CFAP52: variants seen among roughly 807,000 people sequenced by gnomAD.
The protein encoded by CFAP52 is cilia- and flagella-associated protein 52.
CFAP52 carries 57 observed loss-of-function variants against 70.5 expected under a neutral mutation model. The observed-to-expected ratio is 0.81, with a 90% CI of 0.65 to 1.01. The LOEUF is 1.01. CFAP52 is among the 50% of genes least tolerant of loss of function. The pLI, the probability that CFAP52 is intolerant of heterozygous loss-of-function variation, is 0.00. For missense variants in CFAP52, 785 were observed against 788.5 expected (o/e 1.00, Z 0.05); for synonymous variants, 267 against 292.5 (o/e 0.91, Z 0.89).
chr17:9,594,200 G>C lies in CFAP52; in HGVS notation c.415G>C (p.Val139Leu). The C allele has an allele frequency of 1.9e-6, 3 of 1,608,790 alleles. No individual in the cohort carries two copies. The highest frequency in any genetic ancestry group is 1.1e-5 in the South Asian group (1 of 90,280). ...TCCCTCTTATTTTGGCAGTGTGGTG[G>C]TGTGGAGCATAGCCAAGAGAGATGC... ...LGGPDDGSVV[V>L]WSIAKRDAIC... is the part of the protein sequence containing the mutation. The change falls in exon 4 of 14, where the codon GTG becomes CTG. Residue 139 changes from valine (V) to leucine (L), a missense_variant. Physicochemically the swap from Val to Leu is conservative, Grantham distance 32. Transcript: ENST00000352665.
chr17:9,583,715 T>C (rs1908324713), intron 1 of CFAP52, among the ~76,000 whole-genome samples: 1 of 152,224 alleles, frequency 6.6e-6, no homozygotes, highest in South Asian at 2.1e-4. Flanking sequence ...CATGCAAGTT[T>C]GTATTGTAAA....
At position 9,631,260 on chromosome 17, in the gene CFAP52, CT is replaced by C. The variant is rs1205882699; in HGVS notation, c.1175-1626del. 6.6e-5 allele frequency among the ~76,000 whole-genome samples: 10 copies of C among 152,016 alleles called. No homozygotes were observed. The East Asian group carries it at 1.8e-3, about 27-fold the overall frequency. On this transcript the variant is annotated intron_variant, in intron 9 of 13. Transcript: ENST00000352665. The stretch of plus-strand genomic sequence containing the variant: ...GAGCTCTTCCTCTTACTACTCACCC[CT>C]TCTAGCCATACTTTCTTCTTGCTGT...
At chr17:9,616,109 T>C (rs915991781) in intron 8 of CFAP52, among the ~76,000 whole-genome samples, 10 of 150,392 alleles carry the variant, frequency 6.6e-5, no homozygotes, top group Non-Finnish European at 1.2e-4. Flanking sequence ...CACTAGGGAG[T>C]GCCAGACAGT....
chr17:9,596,061 A>ATGTATG (rs71135995), intron 4 of CFAP52, among the ~76,000 whole-genome samples: 1 of 50,780 alleles, frequency 2.0e-5, no homozygotes, highest in Admixed American at 2.2e-4. Context: ...ATGTGTGTGT[A>ATGTATG]TATATATATA....
At chr17:9,641,229 TG>T (rs1233344953) in intron 12 of CFAP52, among the ~76,000 whole-genome samples, 1 of 152,144 alleles carries the variant, frequency 6.6e-6, no homozygotes, top group Non-Finnish European at 1.5e-5. Context: ...TTCAGTGCTT[TG>T]GAGCAGAAGG....
intron 11 of CFAP52, among the ~76,000 whole-genome samples, chr17:9,638,325 G>T (rs1185876002): frequency 6.6e-6 from 1 of 152,106 alleles, no homozygotes; most frequent in Non-Finnish European, 1.5e-5. Flanking sequence ...TGGAACTTAA[G>T]GGTTCTCATT....
In CFAP52 at chr17:9,579,401, A is replaced by G. The variant is rs1908113489; in HGVS notation, c.70+2636A>G. ...GCAAATAGCTTGGGGTGGCTTCAGT[A>G]TCAGGGACTGGCAGGATAACACAGG... On this transcript the variant is annotated intron_variant, in intron 1 of 13. Coordinates refer to ENST00000352665, the MANE Select transcript of CFAP52 (RefSeq NM_145054.5). Among the ~76,000 whole-genome samples, 3 of 152,154 alleles carry G rather than the reference A, an allele frequency of 2.0e-5. No individual in the cohort carries two copies. The South Asian group carries it at 6.2e-4, about 31-fold the overall frequency.
intron 3 of CFAP52, among the ~76,000 whole-genome samples, chr17:9,592,631 T>A (rs368527273): frequency 1.3e-5 from 2 of 152,236 alleles, no homozygotes; most frequent in South Asian, 2.1e-4. Context: ...TGGTCTTTTG[T>A]GACTGGCTTC....
chr17:9,631,243 C>T, intron 9 of CFAP52, among the ~76,000 whole-genome samples: 1 of 151,870 alleles, frequency 6.6e-6, no homozygotes, highest in Non-Finnish European at 1.5e-5. Flanking sequence ...TGGAGCTCTT[C>T]CTCTTACTAC....
At chr17:9,633,167 T>G in intron 10 of CFAP52, 134 bp downstream of exon 10, 3 of 1,039,804 alleles carry the variant, frequency 2.9e-6, no homozygotes, top group Non-Finnish European at 4.0e-6. Context: ...TTTGATGAGA[T>G]CTGAAAATAT....
intron 1 of CFAP52, among the ~76,000 whole-genome samples, chr17:9,583,619 T>C (rs950719333): frequency 6.6e-6 from 1 of 152,158 alleles, no homozygotes; most frequent in Non-Finnish European, 1.5e-5. Context: ...TATATTATTA[T>C]AAAAATCATT....
downstream of CFAP52, chr17:9,645,165 C>T (rs1208639433): frequency 6.5e-6 from 1 of 153,106 alleles, no homozygotes; most frequent in Non-Finnish European, 1.5e-5. This position sits in a 1 kb window ranked among gnomAD's most constrained non-coding sequence, Gnocchi z 6.8. Context: ...GCGCGCCTCT[C>T]ACCACGCCCG....
intron 1 of CFAP52, among the ~76,000 whole-genome samples, chr17:9,578,430 A>G (rs12453336): frequency 0.67 from 102,343 of 152,118 alleles, 37,592 homozygotes; most frequent in East Asian, 0.99. Flanking sequence ...CGGGTTGAAC[A>G]GGGCTTCAGT....
intron 8 of CFAP52, among the ~76,000 whole-genome samples, chr17:9,626,463 C>T (rs1235121346): frequency 6.6e-6 from 1 of 152,194 alleles, no homozygotes; most frequent in African/African-American, 2.4e-5. Flanking sequence ...CTCCTGACCT[C>T]AGGTGATCCA....
intron 1 of CFAP52, among the ~76,000 whole-genome samples, chr17:9,579,199 T>C (rs1396217881): frequency 6.6e-6 from 1 of 152,102 alleles, no homozygotes; most frequent in Non-Finnish European, 1.5e-5. Context: ...TAAAAAACTA[T>C]ACTAGCTCTA....
intron 4 of CFAP52, among the ~76,000 whole-genome samples, chr17:9,595,229 T>C (rs1234645332): frequency 6.6e-6 from 1 of 151,936 alleles, no homozygotes; most frequent in African/African-American, 2.4e-5. Flanking sequence ...AAATACAGAG[T>C]TGAAGTATGT....
chr17:9,643,928 T>A (rs1053752007), downstream of CFAP52, among the ~76,000 whole-genome samples: 1 of 152,230 alleles, frequency 6.6e-6, no homozygotes, highest in African/African-American at 2.4e-5. Context: ...CCTTGTGTAT[T>A]AATCACCCAG....
chr17:9,581,748 T>C (rs542661160), intron 1 of CFAP52, among the ~76,000 whole-genome samples: 1 of 152,342 alleles, frequency 6.6e-6, no homozygotes, highest in Non-Finnish European at 1.5e-5. Flanking sequence ...TCTATTGCTT[T>C]AGTGAGAGCC....
chr17:9,585,650 T>C, intron 1 of CFAP52, 123 bp from the exon 2 acceptor site: 2 of 995,128 alleles, frequency 2.0e-6, no homozygotes, highest in South Asian at 1.5e-5. Flanking sequence ...CCAGGCTGGG[T>C]GACAAGTGCA....
Sources: gnomAD v4.1 joint callset for allele counts (sites outside exome capture counted in the v4.1 genomes callset) on GRCh38, gnomAD v4.1.1 for gene constraint, Gnocchi (gnomAD v3.1) non-coding constraint, MANE v1.5 for transcripts, NCBI Gene and HGNC (gene_info 2026-07-23, HGNC 2026-07-21) for gene names.